Variants in MYLK4 observed in about 807,000 individuals in gnomAD.
MYLK4 encodes the protein caMLCK like.
A neutral mutation model predicts 48.1 loss-of-function variants in MYLK4; 46 were observed. The observed-to-expected ratio is 0.96, with a 90% confidence interval of 0.75 to 1.22. The LOEUF is 1.22. MYLK4 is among the 50% of genes most tolerant of loss of function. The probability of loss-of-function intolerance (pLI) is 0.00; values close to 1 mark genes in which losing one functional copy is unlikely to be tolerated. For missense variants in MYLK4, 451 were observed against 486.1 expected (o/e 0.93, Z 0.68); for synonymous variants, 170 against 180.8 (o/e 0.94, Z 0.48).
At chr6:2,694,490 C>CATG (rs1761942766) in intron 2 of MYLK4, among the ~76,000 whole-genome samples, 1 of 954 alleles carries the variant, frequency 1.0e-3, no homozygotes. Context: ...TGGTAGTGGT[C>CATG]ATGGTGGTGG....
At chr6:2,714,292 C>T (rs1236868772) in intron 2 of MYLK4, among the ~76,000 whole-genome samples, 3 of 152,200 alleles carry the variant, frequency 2.0e-5, no homozygotes, top group African/African-American at 7.2e-5. Flanking sequence ...TGGCAACGTC[C>T]CAGAAGTTAC....
At chr6:2,719,283 G>A (rs888432323) in intron 2 of MYLK4, among the ~76,000 whole-genome samples, 1 of 152,180 alleles carries the variant, frequency 6.6e-6, no homozygotes, top group South Asian at 2.1e-4. Flanking sequence ...TGAGAAAGGT[G>A]GGGAGGGGAG....
Position 2,666,285 on chromosome 6 carries a change from A to G in MYLK4, c.*1640T>C, listed in dbSNP as rs1760648874. Reference sequence around the variant, plus strand: ...ACTGCCATCCCTCATGAGGCCACCAAGTAATTCTTATGCCTTTCATTGCTA... The same window carrying G: ...ACTGCCATCCCTCATGAGGCCACCAGGTAATTCTTATGCCTTTCATTGCTA... On this transcript the variant is annotated 3_prime_UTR_variant, in exon 13 of 13. Coordinates refer to ENST00000274643, the MANE Select transcript of MYLK4 (RefSeq NM_001012418.5). 6.6e-6 allele frequency: 1 copy of G among 152,330 alleles called. No individual in the cohort carries two copies. The highest frequency in any genetic ancestry group is 2.4e-5 in the African/African-American group (1 of 41,592). The allele number at this position is 152,330 out of a possible 1,614,324, so 9.4% of individuals were successfully genotyped here.
At chr6:2,717,155 ACGTCTTGAGGAAATG>A (rs1430113498) in intron 2 of MYLK4, among the ~76,000 whole-genome samples, 35 of 152,306 alleles carry the variant, frequency 2.3e-4, no homozygotes, top group African/African-American at 8.2e-4. Flanking sequence ...CCTTCCAGGA[ACGTCTTGAGGAAATG>A]AGAAAGAAAG....
At chr6:2,691,693 C>G (rs1156279797) in intron 3 of MYLK4, among the ~76,000 whole-genome samples, 1 of 152,180 alleles carries the variant, frequency 6.6e-6, no homozygotes, top group Non-Finnish European at 1.5e-5. Flanking sequence ...AACTGTTTTA[C>G]TTCATCTTTA....
chr6:2,678,427 C>A, intron 9 of MYLK4, 55 bp from the exon 10 acceptor site: 1 of 1,569,532 alleles, frequency 6.4e-7, no homozygotes, highest in Non-Finnish European at 8.7e-7. Context: ...AACCCCTTTC[C>A]ATACAGATTG....
chr6:2,727,086 T>C (rs1223031866), intron 2 of MYLK4, among the ~76,000 whole-genome samples: 1 of 152,268 alleles, frequency 6.6e-6, no homozygotes, highest in Non-Finnish European at 1.5e-5. Context: ...TTCAGCCCAC[T>C]GTGTGGCTTC....
chr6:2,671,392 C>T (rs377620742), intron 11 of MYLK4, 44 bp from the exon 12 acceptor site: 250 of 1,572,526 alleles, frequency 1.6e-4, no homozygotes, highest in Non-Finnish European at 2.2e-4. Flanking sequence ...GGACTGTTTC[C>T]TTCAGGTCCT....
chr6:2,762,814 G>A, the MYLK4 span, among the ~76,000 whole-genome samples: 6 of 152,208 alleles, frequency 3.9e-5, no homozygotes, highest in Non-Finnish European at 7.3e-5. Flanking sequence ...GAGACCGTTA[G>A]AGGTCTTAGG....
In MYLK4 at chr6:2,675,128, A is replaced by G. The variant is rs372794741; in HGVS notation, c.1041-3T>C. ...CTTCGCTTGCACTTATTCGCCAACTAGAAGGAAATTCAGAAGGTGATTAGT... is the reference window on the plus strand; with the variant it reads ...CTTCGCTTGCACTTATTCGCCAACTGGAAGGAAATTCAGAAGGTGATTAGT... On this transcript the variant is annotated splice_polypyrimidine_tract_variant and splice_region_variant and intron_variant, in intron 10 of 12. Coordinates refer to ENST00000274643, the MANE Select transcript of MYLK4 (RefSeq NM_001012418.5). The G allele has an allele frequency of 9.3e-6, 15 of 1,612,106 alleles. No individual in the cohort carries two copies. In the African/African-American group the frequency reaches 2.0e-4, roughly 22 times the overall value.
the MYLK4 span, among the ~76,000 whole-genome samples, chr6:2,763,533 C>T: frequency 6.6e-6 from 1 of 152,356 alleles, no homozygotes; most frequent in African/African-American, 2.4e-5. Context: ...CCTCACCGTC[C>T]TGGGCCGGTG....
intron 2 of MYLK4, among the ~76,000 whole-genome samples, chr6:2,712,312 G>C (rs944037363): frequency 1.3e-5 from 2 of 152,174 alleles, no homozygotes; most frequent in African/African-American, 4.8e-5. Context: ...TAGCACTCAC[G>C]TACTCTCTCT....
In MYLK4 at chr6:2,678,256, T is replaced by C. The variant is rs1462958612; in HGVS notation, c.1004A>G (p.Lys335Arg). 6 of 1,614,170 alleles carry C rather than the reference T, an allele frequency of 3.7e-6. No homozygotes were observed. In the East Asian group the frequency reaches 6.7e-5, roughly 18 times the overall value. Reference protein sequence around the residue: ...EEFQDISEEAKEFISKLLIKE... With the variant: ...EEFQDISEEAREFISKLLIKE... ...AATCAGAAGCTTAGAGATGAACTCC[T>C]TGGCCTCCTCCGAGATGTCCTGAAA... Residue 335 changes from lysine to arginine, a missense_variant, in exon 10 of 13, where the codon AAG (lysine) becomes AGG (arginine). By Grantham distance (26) the Lys-to-Arg change is conservative. Coordinates refer to ENST00000274643, the MANE Select transcript of MYLK4 (RefSeq NM_001012418.5).
the MYLK4 span, among the ~76,000 whole-genome samples, chr6:2,769,589 C>G: frequency 1.3e-5 from 2 of 151,870 alleles, no homozygotes; most frequent in East Asian, 1.9e-4. Flanking sequence ...AATAAAAAGA[C>G]CCTTTTAAAG....
rs144160528 is a variant in MYLK4, at chr6:2,683,108, C to T, written c.600G>A (p.Thr200=). ...DRIIDESYNL[T]ELDTILFMKQ... ...TCATGAACAGGATGGTATCAAGCTC[C>T]GTCAAATTGTAGCTCTCATCGATGA... The change falls in exon 7 of 13, where the codon ACG becomes ACA. Residue 200 remains threonine (T), a synonymous_variant. Coordinates refer to ENST00000274643, the MANE Select transcript of MYLK4 (RefSeq NM_001012418.5). The T allele has an allele frequency of 1.8e-5, 29 of 1,614,116 alleles. No homozygotes were observed. The African/African-American group carries it at 2.1e-4, about 12-fold the overall frequency.
chr6:2,707,624 T>C (rs1762539013), intron 2 of MYLK4, among the ~76,000 whole-genome samples: 1 of 152,218 alleles, frequency 6.6e-6, no homozygotes, highest in Admixed American at 6.5e-5. Flanking sequence ...CTATAAAAAG[T>C]GTTAAGCACA....
chr6:2,763,694 C>A, the MYLK4 span, among the ~76,000 whole-genome samples: 1 of 152,240 alleles, frequency 6.6e-6, no homozygotes, highest in South Asian at 2.1e-4. Flanking sequence ...CCGGCCTTGG[C>A]CCGCCCAGGA....
chr6:2,750,743 A>T lies in MYLK4; in HGVS notation c.-120T>A, dbSNP rs928042366. 3 of 152,296 alleles carry T rather than the reference A, an allele frequency of 2.0e-5. No individual in the cohort carries two copies. The highest frequency in any genetic ancestry group is 2.9e-5 in the Non-Finnish European group (2 of 68,030). 9.4% of individuals were successfully genotyped at this position (152,296 alleles called of 1,614,324 possible). A position where few individuals can be genotyped will look rare whatever the true frequency, so the allele number is the denominator to read the frequency against. ...ATAAACAAAGATAATTACCATTGATAGGATCACATCGAAGAGCTTGAGCCA... is the reference window on the plus strand; with the variant it reads ...ATAAACAAAGATAATTACCATTGATTGGATCACATCGAAGAGCTTGAGCCA... On this transcript the variant is annotated 5_prime_UTR_variant, in exon 1 of 13. Coordinates refer to ENST00000274643, the MANE Select transcript of MYLK4 (RefSeq NM_001012418.5).
chr6:2,738,749 T>C (rs1402230780), intron 2 of MYLK4, among the ~76,000 whole-genome samples: 3 of 152,232 alleles, frequency 2.0e-5, no homozygotes, highest in Non-Finnish European at 4.4e-5. Flanking sequence ...AAAACTGTCC[T>C]TAGAAAATTC....
Sources: gnomAD v4.1 joint callset for allele counts (sites outside exome capture counted in the v4.1 genomes callset) on GRCh38, gnomAD v4.1.1 for gene constraint, MANE v1.5 for transcripts, NCBI Gene and HGNC (gene_info 2026-07-23, HGNC 2026-07-21) for gene names.